DGKB: variants seen among roughly 807,000 people sequenced by gnomAD.
DGKB encodes the protein diacylglycerol kinase beta.
A neutral mutation model predicts 114.3 loss-of-function variants in DGKB; 67 were observed. The observed-to-expected ratio is 0.59, with a 90% CI of 0.48 to 0.72. DGKB has a LOEUF of 0.72. DGKB is among the 30% of genes least tolerant of loss of function. The pLI, the probability that DGKB is intolerant of heterozygous loss-of-function variation, is 0.00. For missense variants in DGKB, 907 were observed against 975.2 expected, an observed-to-expected ratio of 0.93 and a Z score of 0.93; for synonymous variants, 398 against 323.1, an observed-to-expected ratio of 1.23 and a Z score of -2.49.
At chr7:14,618,944 A>G (rs1807082133) in intron 15 of DGKB, among the ~76,000 whole-genome samples, 1 of 151,474 alleles carries the variant, frequency 6.6e-6, no homozygotes, top group African/African-American at 2.4e-5. Context: ...ACCTTTCTTG[A>G]TAATAAACAA....
At chr7:14,968,192 T>G (rs1028388136) in intron 1 of DGKB, among the ~76,000 whole-genome samples, 1 of 151,240 alleles carries the variant, frequency 6.6e-6, no homozygotes, top group Non-Finnish European at 1.5e-5. Context: ...CATTAAAGTA[T>G]GGAGATTATA....
intron 12 of DGKB, among the ~76,000 whole-genome samples, chr7:14,675,047 G>C (rs1033905026): frequency 6.6e-6 from 1 of 152,120 alleles, no homozygotes; most frequent in East Asian, 1.9e-4. Flanking sequence ...ATGTCACAGA[G>C]AAAGAGCTTT....
At chr7:14,257,770 AG>A (rs1796156499) in intron 23 of DGKB, among the ~76,000 whole-genome samples, 1 of 152,166 alleles carries the variant, frequency 6.6e-6, no homozygotes, top group Non-Finnish European at 1.5e-5. Flanking sequence ...CTTGTTGCCC[AG>A]GCTGGAGTGC....
chr7:14,896,826 A>G (rs1264264494), intron 1 of DGKB, among the ~76,000 whole-genome samples: 1 of 151,854 alleles, frequency 6.6e-6, no homozygotes, highest in Non-Finnish European at 1.5e-5. Flanking sequence ...AACCTAAGAA[A>G]ATGATGAAAC....
intron 20 of DGKB, among the ~76,000 whole-genome samples, chr7:14,529,701 T>G (rs886323112): frequency 2.0e-5 from 3 of 151,822 alleles, no homozygotes; most frequent in Non-Finnish European, 3.0e-5. Context: ...TTCTGATTAT[T>G]TGACATAGTG....
In DGKB at chr7:14,747,775, G is replaced by GCGCGCACACA; in HGVS notation, c.168+6152_168+6153insTGTGTGCGCG. Among the ~76,000 whole-genome samples the GCGCGCACACA allele has an allele frequency of 7.0e-4, 105 of 149,278 alleles. 1 individual carries two copies. The highest frequency in any genetic ancestry group is 2.5e-3 in the African/African-American group (99 of 39,696). ...GCTGTGGGCTCAAACACATCCACGC[G>GCGCGCACACA]CACGCACACACACACACACACACAC... On this transcript the variant is annotated intron_variant, in intron 4 of 25. Transcript: ENST00000402815.
At chr7:14,252,248 C>T (rs950349074) in intron 23 of DGKB, among the ~76,000 whole-genome samples, 1 of 152,018 alleles carries the variant, frequency 6.6e-6, no homozygotes, top group Non-Finnish European at 1.5e-5. Flanking sequence ...GCTGTTGAAC[C>T]CTTGTGGCTC....
At chr7:14,753,664 A>G (rs940297421) in intron 4 of DGKB, among the ~76,000 whole-genome samples, 1 of 152,170 alleles carries the variant, frequency 6.6e-6, no homozygotes, top group African/African-American at 2.4e-5. Context: ...TAAATTCCAG[A>G]GTCTACAAAA....
At chr7:14,547,593 T>C (rs1794485504) in intron 20 of DGKB, among the ~76,000 whole-genome samples, 1 of 152,204 alleles carries the variant, frequency 6.6e-6, no homozygotes, top group African/African-American at 2.4e-5. Context: ...CTGACCCTGT[T>C]GCAGATTAAT....
intron 2 of DGKB, among the ~76,000 whole-genome samples, chr7:14,784,781 C>T (rs1029659686): frequency 6.0e-5 from 9 of 150,776 alleles, no homozygotes; most frequent in African/African-American, 1.9e-4. Context: ...TTGTTTGCCC[C>T]AGGGCAACCT....
In DGKB at chr7:14,301,672, T is replaced by C. The variant is rs1803561243; in HGVS notation, c.2122+36843A>G. ...ATCTCCAGATGCATCTTTGTGTATATATACATGAATAGGTGTGTACACACA... is the reference window on the plus strand; with the variant it reads ...ATCTCCAGATGCATCTTTGTGTATACATACATGAATAGGTGTGTACACACA... On this transcript the variant is annotated intron_variant, in intron 23 of 25. Transcript: ENST00000402815. Among the ~76,000 whole-genome samples the C allele has an allele frequency of 2.0e-5, 3 of 152,264 alleles. No homozygotes were observed. The South Asian group carries it at 6.2e-4, about 32-fold the overall frequency.
At chr7:14,557,099 C>T (rs1405626659) in intron 20 of DGKB, among the ~76,000 whole-genome samples, 1 of 152,120 alleles carries the variant, frequency 6.6e-6, no homozygotes, top group African/African-American at 2.4e-5. Context: ...CTCAGACCTA[C>T]CAAACAGAAA....
chr7:14,583,260 TCA>T, intron 17 of DGKB, 123 bp from the exon 18 acceptor site: 3 of 560,068 alleles, frequency 5.4e-6, no homozygotes, highest in Middle Eastern at 2.8e-4. Flanking sequence ...GTAAAATATC[TCA>T]GTGATAACTT....
At chr7:14,956,579 C>T (rs1260276382) in intron 1 of DGKB, among the ~76,000 whole-genome samples, 1 of 151,976 alleles carries the variant, frequency 6.6e-6, no homozygotes, top group Non-Finnish European at 1.5e-5. Context: ...CATACACATT[C>T]TATTAGTATC....
At chr7:14,610,866 T>C (rs1805425203) in intron 16 of DGKB, among the ~76,000 whole-genome samples, 1 of 152,126 alleles carries the variant, frequency 6.6e-6, no homozygotes, top group Admixed American at 6.6e-5. Flanking sequence ...ATAAATTTCT[T>C]GGCAATCCAG....
At chr7:14,605,242 CG>C (rs1804261855) in intron 17 of DGKB, among the ~76,000 whole-genome samples, 3 of 151,620 alleles carry the variant, frequency 2.0e-5, no homozygotes. Flanking sequence ...TCTACTGAAA[CG>C]GAACAATGTG....
intron 17 of DGKB, among the ~76,000 whole-genome samples, chr7:14,605,798 C>G (rs890400933): frequency 2.0e-5 from 3 of 152,056 alleles, no homozygotes; most frequent in African/African-American, 7.2e-5. Context: ...CATATTTGTA[C>G]AAATAATACG....
At chr7:14,285,802 A>T (rs1466263096) in intron 23 of DGKB, among the ~76,000 whole-genome samples, 1 of 152,186 alleles carries the variant, frequency 6.6e-6, no homozygotes, top group African/African-American at 2.4e-5. Flanking sequence ...ACAAATCCAT[A>T]TTTAGCATAT....
At chr7:14,908,683 G>C (rs976799504) in intron 1 of DGKB, among the ~76,000 whole-genome samples, 2 of 152,038 alleles carry the variant, frequency 1.3e-5, no homozygotes, top group African/African-American at 4.8e-5. Flanking sequence ...CTTAACCTTA[G>C]AGCTATTTTT....
Sources: allele counts gnomAD v4.1 joint callset (sites outside exome capture counted in the v4.1 genomes callset), GRCh38; gene constraint gnomAD v4.1.1; transcripts MANE v1.5; gene names NCBI Gene and HGNC (gene_info 2026-07-23, HGNC 2026-07-21).